The following RFX3 variants were observed in gnomAD, a reference collection of about 807,000 sequenced individuals.
The protein encoded by RFX3 is transcription factor RFX3.
In RFX3, 14 loss-of-function variants were observed where a neutral mutation model predicts 98.6. The ratio of observed to expected loss-of-function variants is 0.14; its 90% CI spans 0.09 to 0.22. RFX3 has a LOEUF of 0.22. Among genes scored for constraint, RFX3 ranks in the 10% least tolerant of loss-of-function variants. The probability of loss-of-function intolerance (pLI) is 1.00; values close to 1 mark genes in which losing one functional copy is unlikely to be tolerated. For synonymous variants in RFX3, 383 were observed against 328.4 expected (o/e 1.17, Z -1.80); for missense variants, 639 against 926.9 (o/e 0.69, Z 4.03).
At chr9:3,433,240 G>A (rs924452397) in intron 1 of RFX3, among the ~76,000 whole-genome samples, 2 of 152,092 alleles carry the variant, frequency 1.3e-5, no homozygotes, top group South Asian at 4.1e-4. Flanking sequence ...AAGTGTGCCT[G>A]CCTCCCCTTC....
intron 1 of RFX3, among the ~76,000 whole-genome samples, chr9:3,466,948 T>TA (rs1187133342): frequency 6.7e-6 from 1 of 150,044 alleles, no homozygotes; most frequent in African/African-American, 2.4e-5. Flanking sequence ...GAGGTATTCA[T>TA]ATGCATAAAG....
chr9:3,462,056 G>A (rs74889157), intron 1 of RFX3, among the ~76,000 whole-genome samples: 22,722 of 151,652 alleles, frequency 0.15, 2,361 homozygotes, highest in African/African-American at 0.3. Flanking sequence ...AATAAAAGAC[G>A]GAACATTCCC....
Position 3,366,086 on chromosome 9 carries a change from A to G in RFX3, c.118-19322T>C, listed in dbSNP as rs572679265. 2.6e-5 allele frequency among the ~76,000 whole-genome samples: 4 copies of G among 152,124 alleles called. No individual in the cohort carries two copies. In the South Asian group the frequency reaches 8.3e-4, roughly 32 times the overall value. ...TTGTGTCACTGTGATGTAGGCTCGC[A>G]GCAGCTGAGAGATTGTAGAAGCATA... On this transcript the variant is annotated intron_variant, in intron 2 of 16. Coordinates refer to ENST00000617270, the MANE Select transcript of RFX3 (RefSeq NM_001282116.2).
At chr9:3,351,236 C>T (rs1294123827) in intron 2 of RFX3, among the ~76,000 whole-genome samples, 1 of 151,536 alleles carries the variant, frequency 6.6e-6, no homozygotes, top group Non-Finnish European at 1.5e-5. Flanking sequence ...CTTAATTTTG[C>T]AGTAATACTA....
chr9:3,436,774 G>C (rs1363410625), intron 1 of RFX3, among the ~76,000 whole-genome samples: 2 of 151,956 alleles, frequency 1.3e-5, no homozygotes, highest in East Asian at 3.9e-4. Context: ...AAGACAGAAA[G>C]GATAGGAAAC....
chr9:3,334,844 G>C (rs1832978449), intron 3 of RFX3, among the ~76,000 whole-genome samples: 1 of 152,170 alleles, frequency 6.6e-6, no homozygotes, highest in South Asian at 2.1e-4. Flanking sequence ...GCTGGGCCAG[G>C]CGCGGTGGTT....
rs755615768 is a variant in RFX3, at chr9:3,218,964, C to A, written c.*6078G>T. On this transcript the variant is annotated 3_prime_UTR_variant, in exon 17 of 17. Transcript: ENST00000617270. ...TGAAAGAAGTTTTACCTAGAAGGTA[C>A]GAAAGCCCTGAGTGATAGTGAAGTT... 1 of 152,028 alleles carries A rather than the reference C, an allele frequency of 6.6e-6. No homozygotes were observed. Among genetic ancestry groups the A allele is most frequent in the Non-Finnish European group, 1.5e-5 (1 of 67,982 alleles). 9.4% of individuals were successfully genotyped at this position (152,028 alleles called of 1,614,324 possible). A position where few individuals can be genotyped will look rare whatever the true frequency, so the allele number is the denominator to read the frequency against.
intron 1 of RFX3, 150 bp from the exon 2 acceptor site, chr9:3,395,746 G>A (rs946287664): frequency 1.3e-5 from 10 of 747,112 alleles, no homozygotes; most frequent in Non-Finnish European, 1.9e-5. Context: ...CCGTGCATGT[G>A]TATGGTCATT....
chr9:3,486,845 G>A (rs924618691), intron 1 of RFX3, among the ~76,000 whole-genome samples: 30 of 152,176 alleles, frequency 2.0e-4, no homozygotes, highest in African/African-American at 6.7e-4. Context: ...TATTTTCTAT[G>A]TGCACATAAG....
intron 1 of RFX3, among the ~76,000 whole-genome samples, chr9:3,505,316 T>TTTTATTTATATAAAATATAA (rs1564187191): frequency 1.6e-5 from 1 of 61,768 alleles, no homozygotes; most frequent in African/African-American, 1.3e-4. Context: ...AAATATATAT[T>TTTTATTTATATAAAATATAA]AATGTATATT....
At chr9:3,454,529 C>T (rs990116168) in intron 1 of RFX3, among the ~76,000 whole-genome samples, 1 of 152,058 alleles carries the variant, frequency 6.6e-6, no homozygotes, top group Non-Finnish European at 1.5e-5. Flanking sequence ...CACTAGAAAG[C>T]CAAAAAGCAT....
At chr9:3,513,915 T>C (rs1183130511) in intron 1 of RFX3, among the ~76,000 whole-genome samples, 1 of 152,232 alleles carries the variant, frequency 6.6e-6, no homozygotes, top group Non-Finnish European at 1.5e-5. Flanking sequence ...TCATTCAATA[T>C]TATTTAAAAG....
rs1817618078 is a variant in RFX3, at chr9:3,225,139, G to T, written c.2153C>A (p.Pro718Gln). ...GCTGTGAATTGGATTCAGGAGGCTT[G>T]GTTGCACGCCAGTCTCGAGAACAGG... is the stretch of plus-strand genomic sequence containing the variant. ...MQPVLETGVQ[P>Q]SLLNPIHSEH... is the part of the protein sequence containing the mutation. Residue 718 changes from proline to glutamine, a missense_variant, in exon 17 of 17, where the codon CCA (proline) becomes CAA (glutamine). This residue lies in a region of RFX3 where 129 missense variants were observed against 124.6 expected (regional missense o/e 1.04). Transcript: ENST00000617270. 1 of 1,613,824 alleles carries T rather than the reference G, an allele frequency of 6.2e-7. No individual in the cohort carries two copies. The highest frequency in any genetic ancestry group is 8.5e-7 in the Non-Finnish European group (1 of 1,179,944).
intron 3 of RFX3, among the ~76,000 whole-genome samples, chr9:3,345,135 T>C (rs1268776285): frequency 6.6e-6 from 1 of 152,110 alleles, no homozygotes; most frequent in East Asian, 1.9e-4. Context: ...AAGGGAAGGA[T>C]AAGCTAACTG....
At chr9:3,436,950 T>TA (rs143923074) in intron 1 of RFX3, among the ~76,000 whole-genome samples, 6,628 of 149,118 alleles carry the variant, frequency 0.044, 191 homozygotes, top group East Asian at 0.11. Flanking sequence ...ATTAATTTTT[T>TA]TAAAAAAAAT....
chr9:3,444,565 T>C (rs549381603), intron 1 of RFX3, among the ~76,000 whole-genome samples: 18 of 152,296 alleles, frequency 1.2e-4, no homozygotes, highest in Admixed American at 1.2e-3. Context: ...GTTAACTATA[T>C]GCAGTTTATT....
chr9:3,313,892 T>A (rs4271019), intron 4 of RFX3, among the ~76,000 whole-genome samples: 29,001 of 152,082 alleles, frequency 0.19, 3,125 homozygotes, highest in South Asian at 0.3. Context: ...CAAATCTACG[T>A]CTGATTGGTG....
At chr9:3,504,222 AT>A (rs1816415797) in intron 1 of RFX3, among the ~76,000 whole-genome samples, 21 of 133,646 alleles carry the variant, frequency 1.6e-4, no homozygotes, top group Non-Finnish European at 1.5e-5. Context: ...TATATACTAT[AT>A]TATATACTAT....
chr9:3,242,818 T>C (rs1321094168), intron 15 of RFX3, among the ~76,000 whole-genome samples: 2 of 152,092 alleles, frequency 1.3e-5, no homozygotes, highest in Non-Finnish European at 2.9e-5. Context: ...AATATTATCT[T>C]TTCTATATTG....
Sources: allele counts gnomAD v4.1 joint callset (sites outside exome capture counted in the v4.1 genomes callset), GRCh38; gene constraint gnomAD v4.1.1; regional missense constraint gnomAD v4.1.1; transcripts MANE v1.5; gene names NCBI Gene and HGNC (gene_info 2026-07-23, HGNC 2026-07-21).